UBTD2: variants seen among roughly 807,000 people sequenced by gnomAD.
UBTD2 encodes ubiquitin domain containing 2, also known as ubiquitin domain-containing protein 2.
In UBTD2, 9 loss-of-function variants were observed where a neutral mutation model predicts 19.8. The ratio of observed to expected loss-of-function variants is 0.46; its 90% CI spans 0.27 to 0.79. The LOEUF is 0.79. Ranked by LOEUF, UBTD2 falls within the 30% of genes least tolerant of loss-of-function variation. The pLI, the probability that UBTD2 is intolerant of heterozygous loss-of-function variation, is 0.14. For missense variants in UBTD2, 250 were observed against 300.4 expected, an observed-to-expected ratio of 0.83 and a Z score of 1.24; for synonymous variants, 98 against 103.9, an observed-to-expected ratio of 0.94 and a Z score of 0.35.
chr5:172,246,751 CTTTTTTTT>C (rs70982379), intron 1 of UBTD2, among the ~76,000 whole-genome samples: 31 of 62,496 alleles, frequency 5.0e-4, no homozygotes, highest in East Asian at 3.0e-3. Context: ...GCCGAGATTG[CTTTTTTTT>C]TTTTTTTTTT....
At chr5:172,269,994 T>C (rs112116317) in intron 1 of UBTD2, among the ~76,000 whole-genome samples, 2,280 of 151,728 alleles carry the variant, frequency 0.015, 61 homozygotes, top group African/African-American at 0.052. Context: ...GGAGAATTGC[T>C]TGAACCCAGG....
intron 1 of UBTD2, among the ~76,000 whole-genome samples, chr5:172,243,472 C>G (rs1309798069): frequency 6.7e-6 from 1 of 149,766 alleles, no homozygotes; most frequent in Non-Finnish European, 1.5e-5. Context: ...GTATGTAAAA[C>G]AGGAAGATGG....
Position 172,211,280 on chromosome 5 carries a change from A to G in UBTD2, c.*550T>C, listed in dbSNP as rs1771437625. 1 of 152,572 alleles carries G rather than the reference A, an allele frequency of 6.6e-6. No homozygotes were observed. The highest frequency in any genetic ancestry group is 2.4e-5 in the African/African-American group (1 of 41,462). The allele number at this position is 152,572 out of a possible 1,614,324, so 9.5% of individuals were successfully genotyped here. On this transcript the variant is annotated 3_prime_UTR_variant, in exon 3 of 3. Coordinates refer to ENST00000393792, the MANE Select transcript of UBTD2 (RefSeq NM_152277.3). ...TCTACTCATTTATGGCTAAATATTAATTGAGCTAAGAATAAAAAACCAGAA... is the reference window on the plus strand; with the variant it reads ...TCTACTCATTTATGGCTAAATATTAGTTGAGCTAAGAATAAAAAACCAGAA...
chr5:172,214,811 C>T (rs548347991), intron 2 of UBTD2, among the ~76,000 whole-genome samples: 9 of 152,312 alleles, frequency 5.9e-5, no homozygotes, highest in African/African-American at 2.2e-4. Flanking sequence ...TGTAAATATG[C>T]TCTAGTTTTA....
At chr5:172,250,799 G>A (rs914593355) in intron 1 of UBTD2, among the ~76,000 whole-genome samples, 4 of 151,868 alleles carry the variant, frequency 2.6e-5, no homozygotes, top group Non-Finnish European at 4.4e-5. Context: ...CAGGCATGGT[G>A]GCATGCACCT....
rs1771431744 is a variant in UBTD2 at position 172,210,985 on chromosome 5, T to C, written c.*845A>G. The C allele has an allele frequency of 6.6e-6, 1 of 152,182 alleles. No individual in the cohort carries two copies. The highest frequency in any genetic ancestry group is 2.4e-5 in the African/African-American group (1 of 41,448). The allele number at this position is 152,182 out of a possible 1,614,324, so 9.4% of individuals were successfully genotyped here. A position where few individuals can be genotyped will look rare whatever the true frequency, so the allele number is the denominator to read the frequency against. ...AATAGATAGATCAATGAAGGTACTATATAGTAGTGACCTTCTAAGCCTGGA... is the reference window on the plus strand; with the variant it reads ...AATAGATAGATCAATGAAGGTACTACATAGTAGTGACCTTCTAAGCCTGGA... On this transcript the variant is annotated 3_prime_UTR_variant, in exon 3 of 3. Transcript: ENST00000393792.
chr5:172,270,440 C>G (rs2113120985), intron 1 of UBTD2, among the ~76,000 whole-genome samples: 1 of 145,678 alleles, frequency 6.9e-6, no homozygotes, highest in South Asian at 2.2e-4. Flanking sequence ...TCTTCAACCT[C>G]TGCCTCCCGG....
At chr5:172,277,067 C>CAAA (rs56277139) in intron 1 of UBTD2, among the ~76,000 whole-genome samples, 55 of 65,090 alleles carry the variant, frequency 8.4e-4, no homozygotes, top group Non-Finnish European at 1.2e-3. Flanking sequence ...GACTCTGTCT[C>CAAA]AAAAAAAAAA....
At position 172,279,656 on chromosome 5, in the gene UBTD2, A is replaced by C. The variant is rs144271244; in HGVS notation, c.70+3940T>G. Among the ~76,000 whole-genome samples the C allele has an allele frequency of 2.2e-4, 33 of 152,364 alleles. 1 individual carries two copies. In the East Asian group the frequency reaches 4.8e-3, roughly 22 times the overall value. ...TATACTTTCATTAAAGAGGTGAAGA[A>C]AGAAAAGGTTGTTGGTTGTCTTCAA... On this transcript the variant is annotated intron_variant, in intron 1 of 2. Coordinates refer to ENST00000393792, the MANE Select transcript of UBTD2 (RefSeq NM_152277.3).
At chr5:172,217,658 G>C (rs982784357) in intron 2 of UBTD2, among the ~76,000 whole-genome samples, 1 of 151,764 alleles carries the variant, frequency 6.6e-6, no homozygotes, top group South Asian at 2.1e-4. Context: ...GGTAATTTTT[G>C]TATTTTTTGG....
At chr5:172,230,989 T>C (rs1771883284) in intron 2 of UBTD2, among the ~76,000 whole-genome samples, 1 of 152,146 alleles carries the variant, frequency 6.6e-6, no homozygotes, top group South Asian at 2.1e-4. Context: ...TTCACCGTGT[T>C]AGCCGGGATG....
chr5:172,238,803 C>T (rs1561856036), intron 1 of UBTD2, among the ~76,000 whole-genome samples: 3 of 152,054 alleles, frequency 2.0e-5, no homozygotes, highest in South Asian at 2.1e-4. Context: ...AATGATGGAA[C>T]GCTTCAAATG....
chr5:172,255,805 G>A (rs1007119494), intron 1 of UBTD2, among the ~76,000 whole-genome samples: 1 of 152,178 alleles, frequency 6.6e-6, no homozygotes, highest in Non-Finnish European at 1.5e-5. Context: ...TAGATGGCAA[G>A]GGGCTGGGCG....
intron 1 of UBTD2, among the ~76,000 whole-genome samples, chr5:172,246,331 C>T (rs1051181128): frequency 1.3e-5 from 2 of 151,212 alleles, no homozygotes; most frequent in African/African-American, 4.9e-5. Flanking sequence ...GAAAAAAAAC[C>T]GGAGGGAACA....
chr5:172,247,105 G>GT (rs1286135420), intron 1 of UBTD2, among the ~76,000 whole-genome samples: 1 of 151,920 alleles, frequency 6.6e-6, no homozygotes, highest in Non-Finnish European at 1.5e-5. Flanking sequence ...AGAAATCCCT[G>GT]TAAGTATGTT....
chr5:172,266,024 C>T (rs965341278), intron 1 of UBTD2, among the ~76,000 whole-genome samples: 3 of 151,632 alleles, frequency 2.0e-5, no homozygotes, highest in African/African-American at 7.3e-5. Flanking sequence ...ACCTCTGCCT[C>T]CCGGGTTCAA....
chr5:172,263,697 G>A (rs1051413522), intron 1 of UBTD2, among the ~76,000 whole-genome samples: 6 of 152,152 alleles, frequency 3.9e-5, no homozygotes, highest in African/African-American at 1.4e-4. Context: ...CGGAGGCTGA[G>A]GCAGGAGAAT....
intron 1 of UBTD2, among the ~76,000 whole-genome samples, chr5:172,243,393 T>A (rs953339240): frequency 3.3e-5 from 5 of 151,916 alleles, no homozygotes; most frequent in Non-Finnish European, 7.4e-5. Flanking sequence ...ATGGGACTAG[T>A]GACCTTGTAA....
chr5:172,226,772 T>C (rs1484118019), intron 2 of UBTD2, among the ~76,000 whole-genome samples: 2 of 152,218 alleles, frequency 1.3e-5, no homozygotes, highest in Non-Finnish European at 2.9e-5. Flanking sequence ...CTAGGAATTA[T>C]ATATATCAAG....
Sources: allele counts gnomAD v4.1 joint callset (sites outside exome capture counted in the v4.1 genomes callset), GRCh38; gene constraint gnomAD v4.1.1; transcripts MANE v1.5; gene names NCBI Gene and HGNC (gene_info 2026-07-23, HGNC 2026-07-21).